The following ELAPOR2 variants were observed in gnomAD, a reference collection of about 807,000 sequenced individuals.
ELAPOR2 encodes endosome/lysosome-associated apoptosis and autophagy regulator family member 2.
A neutral mutation model predicts 120.7 loss-of-function variants in ELAPOR2; 89 were observed. The observed-to-expected ratio is 0.74, with a 90% confidence interval of 0.62 to 0.88. The LOEUF (loss-of-function observed/expected upper bound fraction) is 0.88. Among genes scored for constraint, ELAPOR2 ranks in the 40% least tolerant of loss-of-function variants. The pLI, the probability that ELAPOR2 is intolerant of heterozygous loss-of-function variation, is 0.00. For synonymous variants in ELAPOR2, 444 were observed against 444.9 expected, an observed-to-expected ratio of 1.00 and a Z score of 0.03; for missense variants, 1,134 against 1,251.6, an observed-to-expected ratio of 0.91 and a Z score of 1.42.
chr7:87,016,239 T>G lies in ELAPOR2; in HGVS notation c.189+43086A>C, dbSNP rs993611324. 3.3e-5 allele frequency among the ~76,000 whole-genome samples: 5 copies of G among 152,192 alleles called. 1 individual carries two copies. Among genetic ancestry groups the G allele is most frequent in the Admixed American group, 2.6e-4 (4 of 15,276 alleles). ...TTAGACTCAAAATGTATCTCTGTTTTCAGAATGAGATTATTCATTGCTGAT... is the reference window on the plus strand; with the variant it reads ...TTAGACTCAAAATGTATCTCTGTTTGCAGAATGAGATTATTCATTGCTGAT... On this transcript the variant is annotated intron_variant, in intron 1 of 21. Transcript: ENST00000450689.
At chr7:86,889,581 A>G (rs1788036732) in intron 21 of ELAPOR2, among the ~76,000 whole-genome samples, 1 of 152,016 alleles carries the variant, frequency 6.6e-6, no homozygotes, top group Admixed American at 6.6e-5. Flanking sequence ...GGGGGGGACA[A>G]GGCAGTACAG....
chr7:86,918,047 T>G (rs112584791), intron 12 of ELAPOR2, among the ~76,000 whole-genome samples: 3 of 152,242 alleles, frequency 2.0e-5, no homozygotes, highest in South Asian at 2.1e-4. Flanking sequence ...TCTCCATTAT[T>G]TTCTGCTCTT....
At chr7:86,937,604 C>A (rs1297619654) in intron 8 of ELAPOR2, among the ~76,000 whole-genome samples, 1 of 152,084 alleles carries the variant, frequency 6.6e-6, no homozygotes, top group African/African-American at 2.4e-5. Flanking sequence ...ACACAGTAAT[C>A]TGCCATAACC....
intron 21 of ELAPOR2, chr7:86,891,050 T>C (rs552487392): frequency 6.6e-6 from 1 of 152,182 alleles, no homozygotes; most frequent in South Asian, 2.1e-4. Flanking sequence ...TTTCAAACAA[T>C]GTATGGTTTC....
intron 21 of ELAPOR2, among the ~76,000 whole-genome samples, chr7:86,889,475 T>C (rs1799852614): frequency 6.6e-6 from 1 of 151,734 alleles, no homozygotes; most frequent in Non-Finnish European, 1.5e-5. Context: ...GTTTTGTTTT[T>C]TTTTTCAATC....
chr7:86,968,483 A>G (rs1230312528), intron 1 of ELAPOR2, among the ~76,000 whole-genome samples: 1 of 152,212 alleles, frequency 6.6e-6, no homozygotes, highest in Non-Finnish European at 1.5e-5. Flanking sequence ...AAATATCCAG[A>G]GGGTAATAAT....
At chr7:86,940,872 T>C (rs1790770184) in intron 5 of ELAPOR2, among the ~76,000 whole-genome samples, 1 of 152,128 alleles carries the variant, frequency 6.6e-6, no homozygotes, top group African/African-American at 2.4e-5. Context: ...TAAGTAAAAG[T>C]AGTGCATTAA....
intron 10 of ELAPOR2, among the ~76,000 whole-genome samples, chr7:86,923,426 C>A (rs1038907436): frequency 2.6e-5 from 4 of 151,870 alleles, no homozygotes; most frequent in African/African-American, 9.7e-5. Flanking sequence ...CATTAAAAAA[C>A]CACTAAAAAT....
intron 19 of ELAPOR2, 40 bp downstream of exon 19, chr7:86,897,466 C>T: frequency 1.9e-6 from 3 of 1,598,090 alleles, no homozygotes; most frequent in South Asian, 2.3e-5. Context: ...GATTAACCAA[C>T]TATAATGCCG....
rs57660136 is a variant in ELAPOR2, at chr7:86,949,473, C to T, written c.311-1551G>A. 1.3e-3 allele frequency among the ~76,000 whole-genome samples: 202 copies of T among 152,238 alleles called. 6 individuals are homozygous for T. In the East Asian group the frequency reaches 0.038, roughly 28 times the overall value. On this transcript the variant is annotated intron_variant, in intron 2 of 21. Coordinates refer to ENST00000450689, the MANE Select transcript of ELAPOR2 (RefSeq NM_001142749.3). ...ATTGGGGCGGGAGGAGGCAGAGCCCCGTCCTCCCAGGCAGACTCAAGCTTC... is the reference window on the plus strand; with the variant it reads ...ATTGGGGCGGGAGGAGGCAGAGCCCTGTCCTCCCAGGCAGACTCAAGCTTC...
chr7:86,947,831 G>T lies in ELAPOR2; in HGVS notation c.402C>A (p.Ile134=), dbSNP rs1314479257. 6.4e-7 allele frequency: 1 copy of T among 1,551,996 alleles called. No homozygotes were observed. The highest frequency in any genetic ancestry group is 8.7e-7 in the Non-Finnish European group (1 of 1,147,028). The change falls in exon 3 of 22, where the codon ATC becomes ATA. Residue 134 remains isoleucine (I), a synonymous_variant. Coordinates refer to ENST00000450689, the MANE Select transcript of ELAPOR2 (RefSeq NM_001142749.3). ...GCAATTCATCCCATTCATCAAATTT[G>T]ATGCCACTGCCCAAGGAATAGGTGC... ...GEGTYSLGSG[I]KFDEWDELPA... is the part of the protein sequence containing the mutation.
chr7:86,883,789 T>C (rs1350027164), intron 21 of ELAPOR2, among the ~76,000 whole-genome samples: 2 of 152,216 alleles, frequency 1.3e-5, no homozygotes, highest in Non-Finnish European at 2.9e-5. Context: ...AGGGGTGAAC[T>C]AGTGTTCTAT....
At chr7:86,979,865 G>A (rs1583940097) in intron 1 of ELAPOR2, among the ~76,000 whole-genome samples, 1 of 152,112 alleles carries the variant, frequency 6.6e-6, no homozygotes, top group Non-Finnish European at 1.5e-5. Flanking sequence ...TGGGTTCTTC[G>A]TTTCTGTTTC....
chr7:87,057,290 T>C (rs1057253246), intron 1 of ELAPOR2, among the ~76,000 whole-genome samples: 1 of 152,150 alleles, frequency 6.6e-6, no homozygotes, highest in Non-Finnish European at 1.5e-5. Context: ...AAAAACAATG[T>C]CAGAGAAAAA....
At chr7:87,020,503 A>G (rs1460892089) in intron 1 of ELAPOR2, among the ~76,000 whole-genome samples, 2 of 152,132 alleles carry the variant, frequency 1.3e-5, no homozygotes, top group African/African-American at 4.8e-5. Flanking sequence ...TATATTGTCA[A>G]AAAAGCCAGG....
intron 1 of ELAPOR2, among the ~76,000 whole-genome samples, chr7:86,994,187 T>C (rs1793046874): frequency 6.6e-6 from 1 of 152,202 alleles, no homozygotes; most frequent in African/African-American, 2.4e-5. Context: ...CTTTACTTTA[T>C]ACACAGAGGG....
At chr7:86,992,642 G>GA (rs998892617) in intron 1 of ELAPOR2, among the ~76,000 whole-genome samples, 5 of 152,008 alleles carry the variant, frequency 3.3e-5, no homozygotes, top group African/African-American at 1.2e-4. Flanking sequence ...ACATTCATAT[G>GA]AAAAAAATAG....
chr7:87,039,922 A>G (rs4728665), intron 1 of ELAPOR2, among the ~76,000 whole-genome samples: 43,032 of 151,886 alleles, frequency 0.28, 8,949 homozygotes, highest in African/African-American at 0.59. Context: ...CGCACCGTGC[A>G]CGAGCCAAAG....
chr7:86,922,552 T>C (rs1274520552), intron 10 of ELAPOR2, among the ~76,000 whole-genome samples: 6 of 151,930 alleles, frequency 3.9e-5, no homozygotes, highest in African/African-American at 1.4e-4. Flanking sequence ...ACTGAGCTTT[T>C]ATTATAGATA....
Sources: allele counts gnomAD v4.1 joint callset (sites outside exome capture counted in the v4.1 genomes callset), GRCh38; gene constraint gnomAD v4.1.1; transcripts MANE v1.5; gene names NCBI Gene and HGNC (gene_info 2026-07-23, HGNC 2026-07-21).